Variants in FMN2 observed in about 807,000 individuals in gnomAD.
FMN2 encodes formin 2, also known as formin-2.
FMN2 carries 51 observed loss-of-function variants against 142.3 expected under a neutral mutation model. The observed-to-expected ratio is 0.36, with a 90% CI of 0.29 to 0.45. The LOEUF (loss-of-function observed/expected upper bound fraction) is 0.45, where lower values mean the gene tolerates loss of function less well. Among genes scored for constraint, FMN2 ranks in the 20% least tolerant of loss-of-function variants. The pLI, the probability that FMN2 is intolerant of heterozygous loss-of-function variation, is 1.00. For synonymous variants in FMN2, 882 were observed against 869.8 expected (o/e 1.01, Z -0.25); for missense variants, 1,936 against 2,122.8 (o/e 0.91, Z 1.73).
chr1:240,272,043 AT>A, intron 7 of FMN2, among the ~76,000 whole-genome samples: 1 of 152,220 alleles, frequency 6.6e-6, no homozygotes, highest in South Asian at 2.1e-4. Flanking sequence ...GCATATGGTT[AT>A]TCTTTTCCCT....
intron 6 of FMN2, among the ~76,000 whole-genome samples, chr1:240,212,124 C>A (rs1666713614): frequency 1.3e-5 from 2 of 152,244 alleles, no homozygotes; most frequent in Non-Finnish European, 1.5e-5. Flanking sequence ...TCTCCTTGCC[C>A]AGTAGCCCCA....
chr1:240,140,633 T>C (rs1663141022), intron 2 of FMN2, among the ~76,000 whole-genome samples: 1 of 150,332 alleles, frequency 6.7e-6, no homozygotes, highest in Non-Finnish European at 1.5e-5. Flanking sequence ...ATTTTATATG[T>C]AGAACAGCTC....
At chr1:240,460,968 C>G (rs185328601) in intron 16 of FMN2, among the ~76,000 whole-genome samples, 12 of 152,182 alleles carry the variant, frequency 7.9e-5, no homozygotes, top group Admixed American at 7.8e-4. Flanking sequence ...TTTCAACAAG[C>G]CTTTCAGGTG....
At chr1:240,110,789 A>G (rs1661781576) in intron 1 of FMN2, among the ~76,000 whole-genome samples, 1 of 152,214 alleles carries the variant, frequency 6.6e-6, no homozygotes, top group South Asian at 2.1e-4. Context: ...TTTAATAAAT[A>G]TAGTAAAACA....
At chr1:240,217,756 T>A (rs1216199357) in intron 6 of FMN2, among the ~76,000 whole-genome samples, 1 of 152,090 alleles carries the variant, frequency 6.6e-6, no homozygotes, top group Non-Finnish European at 1.5e-5. Context: ...TTTTAAATTT[T>A]CTTTTAGCCA....
intron 2 of FMN2, among the ~76,000 whole-genome samples, chr1:240,154,956 G>A (rs547105554): frequency 6.8e-6 from 1 of 146,352 alleles, no homozygotes; most frequent in Non-Finnish European, 1.5e-5. Flanking sequence ...TTGTGATCAT[G>A]GCTCACTGCA....
chr1:240,439,706 G>A (rs1572315754), intron 16 of FMN2, among the ~76,000 whole-genome samples: 1 of 152,292 alleles, frequency 6.6e-6, no homozygotes, highest in South Asian at 2.1e-4. Flanking sequence ...TGGGGTAGAA[G>A]AGATAATTGC....
chr1:240,219,650 A>ATTTTTTTTTTTTTTT (rs1558374533), intron 6 of FMN2, among the ~76,000 whole-genome samples: 1 of 151,980 alleles, frequency 6.6e-6, no homozygotes, highest in African/African-American at 2.4e-5. Flanking sequence ...AGGTTTTAAA[A>ATTTTTTTTTTTTTTT]TTTTTTGTAT....
rs74946777 is a variant in FMN2, at chr1:240,124,567, T to A, written c.1782+1222T>A. 5.4e-3 allele frequency among the ~76,000 whole-genome samples: 818 copies of A among 152,336 alleles called. 3 individuals are homozygous for A. Among genetic ancestry groups the A allele is most frequent in the African/African-American group, 0.018 (750 of 41,572 alleles). ...GCATTGGTTGGGATGAGTACGCCTC[T>A]AAAACCCAGATGTGTAAGAATTCTC... is the stretch of plus-strand genomic sequence containing the variant. On this transcript the variant is annotated intron_variant, in intron 2 of 17. Transcript: ENST00000319653.
At chr1:240,430,079 G>A (rs111863118) in intron 15 of FMN2, among the ~76,000 whole-genome samples, 3,361 of 151,854 alleles carry the variant, frequency 0.022, 109 homozygotes, top group African/African-American at 0.077. Flanking sequence ...GTAGAGTTGG[G>A]ATTCCACCAT....
chr1:240,273,385 G>C lies in FMN2; in HGVS notation c.4153+15353G>C, dbSNP rs76936428. ...AGTAAAAGAAACTTAATTAGCAGGT[G>C]GTGGGGCTATGATCTAAACACAGGC... On this transcript the variant is annotated intron_variant, in intron 7 of 17. Transcript: ENST00000319653. Among the ~76,000 whole-genome samples, 27 of 152,306 alleles carry C rather than the reference G, an allele frequency of 1.8e-4. No homozygotes were observed. The East Asian group carries it at 5.0e-3, about 28-fold the overall frequency.
At chr1:240,110,689 C>A (rs919812755) in intron 1 of FMN2, among the ~76,000 whole-genome samples, 2 of 152,000 alleles carry the variant, frequency 1.3e-5, no homozygotes, top group African/African-American at 4.8e-5. Context: ...GTGGGAAGAG[C>A]GTGAGGGGAT....
chr1:240,143,390 T>A, intron 2 of FMN2: 1 of 1,426,962 alleles, frequency 7.0e-7, no homozygotes, highest in Non-Finnish European at 9.9e-7. Flanking sequence ...TCTGCACCAA[T>A]CTCCCCCACA....
chr1:240,226,835 T>TACAC (rs1190160042), intron 6 of FMN2, among the ~76,000 whole-genome samples: 1 of 141,912 alleles, frequency 7.0e-6, no homozygotes, highest in Non-Finnish European at 1.6e-5. Context: ...CACACACACA[T>TACAC]ACACACACAC....
chr1:240,148,876 G>T (rs535205360), intron 2 of FMN2, among the ~76,000 whole-genome samples: 1 of 152,084 alleles, frequency 6.6e-6, no homozygotes, highest in East Asian at 1.9e-4. Context: ...GGAGGCTGAG[G>T]CAGGAGAATG....
At chr1:240,104,309 C>T (rs756776099) in intron 1 of FMN2, among the ~76,000 whole-genome samples, 1 of 151,916 alleles carries the variant, frequency 6.6e-6, no homozygotes. Context: ...TTCCTCACCT[C>T]GTCCTAAGTG....
chr1:240,381,391 AT>A (rs140345154), intron 14 of FMN2, among the ~76,000 whole-genome samples: 2,599 of 152,280 alleles, frequency 0.017, 65 homozygotes, highest in African/African-American at 0.059. Context: ...TCAATAAATA[AT>A]AATTTACCAC....
At chr1:240,379,283 A>G (rs948688509) in intron 14 of FMN2, among the ~76,000 whole-genome samples, 1 of 152,090 alleles carries the variant, frequency 6.6e-6, no homozygotes, top group Non-Finnish European at 1.5e-5. Flanking sequence ...CTCTTTAGAC[A>G]TCGAACATCT....
rs539245418 is a variant in FMN2, at chr1:240,146,373, G to A, written c.1782+23028G>A. ...TGTGCCACTGCACTCCAGCCTGGGC[G>A]ACAGAGCAAGACTCTGTCTCAAAAA... On this transcript the variant is annotated intron_variant, in intron 2 of 17. Coordinates refer to ENST00000319653, the MANE Select transcript of FMN2 (RefSeq NM_020066.5). 9.0e-3 allele frequency among the ~76,000 whole-genome samples: 1,189 copies of A among 131,514 alleles called. 20 individuals are homozygous for A. Among genetic ancestry groups the A allele is most frequent in the African/African-American group, 0.033 (1,093 of 33,498 alleles). The allele number at this position is 131,514 out of a possible 152,430, so 86.3% of individuals were successfully genotyped here.
Sources: allele counts gnomAD v4.1 joint callset (sites outside exome capture counted in the v4.1 genomes callset), GRCh38; gene constraint gnomAD v4.1.1; transcripts MANE v1.5; gene names NCBI Gene and HGNC (gene_info 2026-07-23, HGNC 2026-07-21).